The following SH3RF1 variants were observed in gnomAD, a reference collection of about 807,000 sequenced individuals.
SH3RF1 encodes SH3 domain containing ring finger 1.
SH3RF1 carries 32 observed loss-of-function variants against 74.0 expected under a neutral mutation model. The observed-to-expected ratio is 0.43, with a 90% CI of 0.33 to 0.58. The LOEUF (loss-of-function observed/expected upper bound fraction) is 0.58, where lower values mean the gene tolerates loss of function less well. SH3RF1 is among the 20% of genes least tolerant of loss of function. SH3RF1 has a pLI of 0.05. For missense variants in SH3RF1, 954 were observed against 1,130.9 expected (o/e 0.84, Z 2.24); for synonymous variants, 396 against 439.6 (o/e 0.90, Z 1.24).
intron 2 of SH3RF1, among the ~76,000 whole-genome samples, chr4:169,259,899 T>C (rs1731250781): frequency 1.3e-5 from 2 of 152,232 alleles, no homozygotes; most frequent in Admixed American, 1.3e-4. Context: ...TGTGGATCCT[T>C]AGGAAGAATC....
intron 2 of SH3RF1, among the ~76,000 whole-genome samples, chr4:169,191,395 T>C (rs1402922715): frequency 4.0e-5 from 6 of 150,470 alleles, no homozygotes; most frequent in African/African-American, 1.5e-4. Context: ...AAATCATAGA[T>C]GACACAAACA....
intron 1 of SH3RF1, among the ~76,000 whole-genome samples, chr4:169,269,528 G>A (rs1428579301): frequency 1.3e-5 from 2 of 152,104 alleles, no homozygotes; most frequent in Non-Finnish European, 2.9e-5. Context: ...AGATATCTAG[G>A]GATTCACTGG....
In SH3RF1 at chr4:169,149,209, T is replaced by C. The variant is rs145008810; in HGVS notation, c.765+6271A>G. Among the ~76,000 whole-genome samples the C allele has an allele frequency of 1.4e-3, 208 of 152,266 alleles. 2 individuals are homozygous for C. In the South Asian group the frequency reaches 0.026, roughly 19 times the overall value. ...AAATTAGAAAGAAGCCTCTGAATAA[T>C]AGATGGAGCATAAACTACCCTAAAT... is the stretch of plus-strand genomic sequence containing the variant. On this transcript the variant is annotated intron_variant, in intron 4 of 11. Transcript: ENST00000284637.
chr4:169,107,104 G>C lies in SH3RF1; in HGVS notation c.2241C>G (p.Gly747=), dbSNP rs981119669. ...PASPTLEVEL[G]SAELPLQGAV... ...CTCCCTGGAGAGGAAGCTCTGCACT[G>C]CCCAGCTCCACTTCTAGGGTGGGCG... The change falls in exon 11 of 12, where the codon GGC becomes GGG. Residue 747 remains glycine, a synonymous_variant. Coordinates refer to ENST00000284637, the MANE Select transcript of SH3RF1 (RefSeq NM_020870.4). The C allele has an allele frequency of 6.2e-7, 1 of 1,613,766 alleles. No homozygotes were observed. The highest frequency in any genetic ancestry group is 1.3e-5 in the African/African-American group (1 of 74,924).
intron 4 of SH3RF1, among the ~76,000 whole-genome samples, chr4:169,150,531 A>G (rs1458350781): frequency 6.6e-6 from 1 of 152,188 alleles, no homozygotes; most frequent in Non-Finnish European, 1.5e-5. Context: ...TTTCAAGAAT[A>G]CAATAATATA....
chr4:169,125,057 T>G (rs1376070041), intron 6 of SH3RF1, among the ~76,000 whole-genome samples: 1 of 152,146 alleles, frequency 6.6e-6, no homozygotes, highest in Admixed American at 6.5e-5. Context: ...TTAACAATAT[T>G]CTGCTCACCA....
At position 169,117,578 on chromosome 4, in the gene SH3RF1, C is replaced by T; in HGVS notation, c.1722G>A (p.Leu574=). The T allele has an allele frequency of 6.2e-7, 1 of 1,614,244 alleles. No individual in the cohort carries two copies. The highest frequency in any genetic ancestry group is 8.5e-7 in the Non-Finnish European group (1 of 1,180,046). Residue 574 remains leucine (L), a synonymous_variant, in exon 9 of 12, where the codon TTG becomes TTA. Transcript: ENST00000284637. Reference sequence around the variant, plus strand: ...CTGTCATTTGCCCCGTCATGTGCAACAAGACCTTAGCCTGAGGACTTGTCT... The same window carrying T: ...CTGTCATTTGCCCCGTCATGTGCAATAAGACCTTAGCCTGAGGACTTGTCT... ...HIQTSPQAKV[L]LHMTGQMTVN...
intron 2 of SH3RF1, among the ~76,000 whole-genome samples, chr4:169,159,776 T>C (rs575025013): frequency 6.6e-6 from 1 of 152,330 alleles, no homozygotes; most frequent in South Asian, 2.1e-4. Context: ...ATGCTTTCCC[T>C]TTTAGATGAA....
At chr4:169,188,243 A>G (rs1238521102) in intron 2 of SH3RF1, among the ~76,000 whole-genome samples, 1 of 152,240 alleles carries the variant, frequency 6.6e-6, no homozygotes, top group Non-Finnish European at 1.5e-5. Flanking sequence ...ATCTTTGACC[A>G]AAAGGCATGA....
At chr4:169,263,134 C>A (rs139608795) in intron 2 of SH3RF1, among the ~76,000 whole-genome samples, 428 of 151,742 alleles carry the variant, frequency 2.8e-3, no homozygotes, top group Admixed American at 4.1e-3. Flanking sequence ...CCCATCTGTG[C>A]GAAGACAACA....
In SH3RF1 at chr4:169,174,885, C is replaced by T. The variant is rs185372917; in HGVS notation, c.394-18206G>A. 9.2e-5 allele frequency among the ~76,000 whole-genome samples: 14 copies of T among 152,256 alleles called. No individual in the cohort carries two copies. The East Asian group carries it at 2.7e-3, about 29-fold the overall frequency. ...ACACAACGATGTCTCCCAGATCTAA[C>T]CTCAGCTATAACCTCTCCCCTGCGC... On this transcript the variant is annotated intron_variant, in intron 2 of 11. Transcript: ENST00000284637.
chr4:169,194,449 T>C (rs1734777651), intron 2 of SH3RF1, among the ~76,000 whole-genome samples: 1 of 152,206 alleles, frequency 6.6e-6, no homozygotes, highest in Non-Finnish European at 1.5e-5. Context: ...CCTTTTAAAA[T>C]GTTATTTAAA....
chr4:169,219,745 G>T (rs1474748115), intron 2 of SH3RF1, among the ~76,000 whole-genome samples: 2 of 152,110 alleles, frequency 1.3e-5, no homozygotes, highest in Admixed American at 6.6e-5. Context: ...CAAACCAGGG[G>T]TTTATAAATT....
chr4:169,269,317 T>TCCTCTTTGTTCGC lies in SH3RF1; in HGVS notation c.-95-11_-95-10insGCGAACAAAGAGG. The TCCTCTTTGTTCGC allele has an allele frequency of 2.4e-6, 3 of 1,243,632 alleles. No homozygotes were observed. Among genetic ancestry groups the TCCTCTTTGTTCGC allele is most frequent in the Non-Finnish European group, 3.3e-6 (3 of 918,938 alleles). 77.0% of individuals were successfully genotyped at this position (1,243,632 alleles called of 1,614,324 possible). On this transcript the variant is annotated splice_polypyrimidine_tract_variant and intron_variant, in intron 1 of 11. Transcript: ENST00000284637. ...CATTTCAGACTTTGCTCTAGAGTCA[T>TCCTCTTTGTTCGC]GGGGAAAAGGGGGAAAAGAGAACAT...
intron 2 of SH3RF1, among the ~76,000 whole-genome samples, chr4:169,193,435 T>A (rs375234223): frequency 2.6e-5 from 4 of 152,134 alleles, no homozygotes; most frequent in South Asian, 4.1e-4. Context: ...CCCAGAGAGT[T>A]ATTTGGGGGA....
intron 2 of SH3RF1, among the ~76,000 whole-genome samples, chr4:169,226,876 T>C (rs1730659720): frequency 6.6e-6 from 1 of 152,086 alleles, no homozygotes; most frequent in African/African-American, 2.4e-5. Flanking sequence ...CTTTTAAAAA[T>C]ACATAAGAGG....
intron 2 of SH3RF1, among the ~76,000 whole-genome samples, chr4:169,197,818 T>C (rs2135776): frequency 0.11 from 17,198 of 152,122 alleles, 1,006 homozygotes; most frequent in Middle Eastern, 0.16. Flanking sequence ...CAGCGCTTTT[T>C]GGTTAGAATA....
At chr4:169,254,584 G>C (rs1329028979) in intron 2 of SH3RF1, among the ~76,000 whole-genome samples, 1 of 152,130 alleles carries the variant, frequency 6.6e-6, no homozygotes, top group African/African-American at 2.4e-5. Context: ...CTAACCACTC[G>C]AGAGATGGGG....
chr4:169,133,347 C>T (rs1733647899), intron 5 of SH3RF1, among the ~76,000 whole-genome samples: 1 of 152,130 alleles, frequency 6.6e-6, no homozygotes, highest in African/African-American at 2.4e-5. Context: ...TGGTGGCACA[C>T]ACCTGTAATC....
Sources: allele counts gnomAD v4.1 joint callset (sites outside exome capture counted in the v4.1 genomes callset), GRCh38; gene constraint gnomAD v4.1.1; transcripts MANE v1.5; gene names NCBI Gene and HGNC (gene_info 2026-07-23, HGNC 2026-07-21).